The following ZNF407 variants were observed in gnomAD, a reference collection of about 807,000 sequenced individuals.
The protein encoded by ZNF407 is zinc finger protein 407.
A neutral mutation model predicts 131.2 loss-of-function variants in ZNF407; 17 were observed. That is an observed-to-expected ratio of 0.13 (90% confidence interval 0.09 to 0.19). The LOEUF (loss-of-function observed/expected upper bound fraction) is 0.19. ZNF407 is among the 10% of genes least tolerant of loss of function. The pLI is 1.00. For synonymous variants in ZNF407, 1,156 were observed against 1,062.0 expected (o/e 1.09, Z -1.72); for missense variants, 2,681 against 2,830.6 (o/e 0.95, Z 1.20).
intron 3 of ZNF407, among the ~76,000 whole-genome samples, chr18:74,672,483 TTGTCTGTTCGTTGGAGCACTGTGTCTC>T (rs1986185200): frequency 1.3e-5 from 1 of 77,964 alleles, no homozygotes; most frequent in African/African-American, 3.6e-5. Context: ...GGAGCACCGT[TTGTCTGTTCGTTGGAGCACTGTGTCTC>T]TGTTCGTTGG....
intron 8 of ZNF407, among the ~76,000 whole-genome samples, chr18:75,023,877 A>G (rs755070878): frequency 3.3e-5 from 5 of 152,154 alleles, no homozygotes; most frequent in Non-Finnish European, 5.9e-5. Flanking sequence ...TAGTTCAGTT[A>G]TTTACCATTG....
Position 75,059,950 on chromosome 18 carries a change from GGGA to G in ZNF407, c.5429-3194_5429-3192del, listed in dbSNP as rs564922169. Among the ~76,000 whole-genome samples the G allele has an allele frequency of 4.6e-5, 7 of 152,298 alleles. No homozygotes were observed. The South Asian group carries it at 1.5e-3, about 32-fold the overall frequency. ...ACGCGGGTTGTTTCTTCTGCAAATT[GGGA>G]GGAGGGAGAAAGGCAGGTAGTCAGG... On this transcript the variant is annotated intron_variant, in intron 8 of 8. Coordinates refer to ENST00000299687, the MANE Select transcript of ZNF407 (RefSeq NM_017757.3).
chr18:74,911,946 G>C (rs989894260), intron 7 of ZNF407, among the ~76,000 whole-genome samples: 23 of 152,116 alleles, frequency 1.5e-4, no homozygotes, highest in African/African-American at 5.6e-4. Flanking sequence ...GCTTTCTGTT[G>C]TCTAGAGTCT....
chr18:74,818,957 C>G (rs1353913666), intron 4 of ZNF407, among the ~76,000 whole-genome samples: 2 of 150,980 alleles, frequency 1.3e-5, no homozygotes, highest in Non-Finnish European at 2.9e-5. Context: ...TTCTCTCTGT[C>G]TCCCTCCTGC....
At chr18:74,911,096 A>G (rs1243028843) in intron 7 of ZNF407, among the ~76,000 whole-genome samples, 3 of 152,200 alleles carry the variant, frequency 2.0e-5, no homozygotes, top group African/African-American at 7.2e-5. Flanking sequence ...ATGTACACAT[A>G]CCTCTAATTG....
At chr18:74,711,064 T>C (rs1443445535) in intron 3 of ZNF407, among the ~76,000 whole-genome samples, 1 of 150,430 alleles carries the variant, frequency 6.6e-6, no homozygotes, top group African/African-American at 2.4e-5. Context: ...CCATTCTCCA[T>C]GGATGCTATT....
At chr18:74,959,390 C>T (rs1052870403) in intron 8 of ZNF407, among the ~76,000 whole-genome samples, 1 of 152,204 alleles carries the variant, frequency 6.6e-6, no homozygotes, top group East Asian at 1.9e-4. Context: ...TCCTAAGTCT[C>T]CTTTTAGTCC....
intron 3 of ZNF407, among the ~76,000 whole-genome samples, chr18:74,653,893 T>G (rs186751317): frequency 0.011 from 1,621 of 152,000 alleles, 15 homozygotes; most frequent in Non-Finnish European, 0.018. Context: ...TTGGCTTATG[T>G]GTTATCATGA....
At chr18:74,752,891 G>GT (rs1968840432) in intron 3 of ZNF407, among the ~76,000 whole-genome samples, 1 of 152,248 alleles carries the variant, frequency 6.6e-6, no homozygotes, top group East Asian at 1.9e-4. Context: ...CTTTAAAGTA[G>GT]TTTTTTCCAA....
In ZNF407 at chr18:75,044,358, T is replaced by TTTTG. The variant is rs545786267; in HGVS notation, c.5429-18780_5429-18777dup. On this transcript the variant is annotated intron_variant, in intron 8 of 8. Transcript: ENST00000299687. ...TTTTTTTTTAAAAAAAAAAACAGGTTTTTGTTTGTTTGTTTTCCTTTAATG... is the reference window on the plus strand; with the variant it reads ...TTTTTTTTTAAAAAAAAAAACAGGTTTTTGTTTGTTTGTTTGTTTTCCTTTAATG... 2.5e-4 allele frequency among the ~76,000 whole-genome samples: 38 copies of TTTTG among 151,994 alleles called. 1 individual carries two copies. The highest frequency in any genetic ancestry group is 8.2e-4 in the African/African-American group (34 of 41,466).
At chr18:74,773,062 A>G (rs2064615290) in intron 3 of ZNF407, among the ~76,000 whole-genome samples, 1 of 152,200 alleles carries the variant, frequency 6.6e-6, no homozygotes, top group African/African-American at 2.4e-5. Flanking sequence ...TGCAGACAAG[A>G]AAAAATATCC....
intron 1 of ZNF407, among the ~76,000 whole-genome samples, chr18:74,617,111 A>G (rs1599132895): frequency 0.024 from 661 of 27,980 alleles, 20 homozygotes; most frequent in Middle Eastern, 0.1. Flanking sequence ...ATCCATATCC[A>G]CACACCACAC....
intron 3 of ZNF407, among the ~76,000 whole-genome samples, chr18:74,641,875 A>G (rs539270548): frequency 5.9e-5 from 9 of 152,334 alleles, no homozygotes; most frequent in Admixed American, 1.3e-4. Flanking sequence ...TTAAAAGTCT[A>G]TTTTAATGCT....
At chr18:74,929,854 A>G (rs2404482) in intron 8 of ZNF407, among the ~76,000 whole-genome samples, 34,891 of 152,160 alleles carry the variant, frequency 0.23, 5,363 homozygotes, top group African/African-American at 0.42. Flanking sequence ...TTCTATTTGC[A>G]GTGAGGAAAA....
chr18:75,054,233 A>T (rs1248737800), intron 8 of ZNF407, among the ~76,000 whole-genome samples: 1 of 152,252 alleles, frequency 6.6e-6, no homozygotes, highest in African/African-American at 2.4e-5. Context: ...AGCTTTGCTG[A>T]TCATTAAAAT....
chr18:74,614,303 T>TA (rs1296400590), intron 1 of ZNF407, among the ~76,000 whole-genome samples: 1 of 152,208 alleles, frequency 6.6e-6, no homozygotes, highest in Non-Finnish European at 1.5e-5. Context: ...TGTTCTACTG[T>TA]ATTTCACTGT....
intron 8 of ZNF407, among the ~76,000 whole-genome samples, chr18:75,007,649 G>A (rs928818966): frequency 1.8e-4 from 27 of 152,184 alleles, no homozygotes; most frequent in East Asian, 1.7e-3. Context: ...TAATATGTTA[G>A]AATCGATATC....
At chr18:74,845,475 C>A (rs1970689917) in intron 4 of ZNF407, among the ~76,000 whole-genome samples, 2 of 152,032 alleles carry the variant, frequency 1.3e-5, no homozygotes, top group Non-Finnish European at 2.9e-5. Flanking sequence ...ATATCGCAAG[C>A]CATTAGAAAT....
At chr18:74,671,421 A>G (rs572047084) in intron 3 of ZNF407, among the ~76,000 whole-genome samples, 2 of 151,920 alleles carry the variant, frequency 1.3e-5, no homozygotes, top group East Asian at 3.9e-4. Flanking sequence ...AGTTAAACTC[A>G]TGTCACGGGG....
Sources: gnomAD v4.1 joint callset for allele counts (sites outside exome capture counted in the v4.1 genomes callset) on GRCh38, gnomAD v4.1.1 for gene constraint, MANE v1.5 for transcripts, NCBI Gene and HGNC (gene_info 2026-07-23, HGNC 2026-07-21) for gene names.